Variants in CPED1 observed in about 807,000 individuals in gnomAD.
CPED1 encodes the protein cadherin like and PC-esterase domain containing 1.
In CPED1, 114 loss-of-function variants were observed where a neutral mutation model predicts 128.2. That is an observed-to-expected ratio of 0.89 (90% CI 0.76 to 1.04). The LOEUF is 1.04. CPED1 is among the 50% of genes least tolerant of loss of function. The pLI, the probability that CPED1 is intolerant of heterozygous loss-of-function variation, is 0.00. For missense variants in CPED1, 1,211 were observed against 1,207.1 expected (o/e 1.00, Z -0.05); for synonymous variants, 462 against 426.7 (o/e 1.08, Z -1.02).
At chr7:121,070,682 A>G (rs895212305) in intron 5 of CPED1, among the ~76,000 whole-genome samples, 1 of 152,136 alleles carries the variant, frequency 6.6e-6, no homozygotes, top group Non-Finnish European at 1.5e-5. Flanking sequence ...TCAGTAAGCC[A>G]TCCATCCCCA....
At chr7:121,163,958 G>A (rs1386563359) in intron 16 of CPED1, among the ~76,000 whole-genome samples, 1 of 152,206 alleles carries the variant, frequency 6.6e-6, no homozygotes, top group African/African-American at 2.4e-5. Flanking sequence ...GGGTTGGATA[G>A]ACCAAATGAT....
chr7:121,186,956 G>A (rs1048399287), intron 16 of CPED1, among the ~76,000 whole-genome samples: 1 of 152,172 alleles, frequency 6.6e-6, no homozygotes, highest in East Asian at 1.9e-4. Flanking sequence ...CTTCCCTGCA[G>A]CATAGGCTAT....
intron 2 of CPED1, among the ~76,000 whole-genome samples, chr7:120,991,670 G>A (rs529305916): frequency 7.2e-5 from 11 of 152,116 alleles, no homozygotes; most frequent in Admixed American, 6.6e-4. Context: ...TAGAAAATTC[G>A]ATTTCAACTT....
chr7:120,989,911 G>A, intron 2 of CPED1, 41 bp downstream of exon 2: 2 of 1,609,616 alleles, frequency 1.2e-6, no homozygotes, highest in Non-Finnish European at 1.7e-6. Context: ...TTTCTGCAAA[G>A]ACAGCAATCT....
intron 16 of CPED1, among the ~76,000 whole-genome samples, chr7:121,159,221 G>GT (rs1318286754): frequency 6.6e-6 from 1 of 152,020 alleles, no homozygotes; most frequent in Non-Finnish European, 1.5e-5. Context: ...TATTGGGTAT[G>GT]TAAAAAAAAT....
chr7:121,056,005 T>C (rs1478089455), intron 4 of CPED1, among the ~76,000 whole-genome samples: 2 of 152,072 alleles, frequency 1.3e-5, no homozygotes, highest in South Asian at 2.1e-4. Flanking sequence ...TTACTTATTA[T>C]AGTAAAAAAT....
intron 2 of CPED1, chr7:120,993,799 A>T (rs923354434): frequency 1.2e-5 from 2 of 161,760 alleles, no homozygotes; most frequent in Admixed American, 1.3e-4. Flanking sequence ...ACCACGTCTC[A>T]GTACAGGTGC....
chr7:121,262,159 C>G (rs1235121398), intron 18 of CPED1, among the ~76,000 whole-genome samples: 1 of 152,024 alleles, frequency 6.6e-6, no homozygotes, highest in Non-Finnish European at 1.5e-5. Context: ...TGCCCTGTGA[C>G]GTGCCTCCTC....
At chr7:121,253,039 A>G (rs1266983882) in intron 18 of CPED1, among the ~76,000 whole-genome samples, 3 of 152,088 alleles carry the variant, frequency 2.0e-5, no homozygotes, top group Non-Finnish European at 4.4e-5. Flanking sequence ...ACTATTCACA[A>G]TAGCAAAGAC....
intron 7 of CPED1, among the ~76,000 whole-genome samples, chr7:121,103,350 G>A (rs1259578267): frequency 6.6e-6 from 1 of 152,168 alleles, no homozygotes. Flanking sequence ...CTGGGTCAAT[G>A]TGGAGAAAGT....
chr7:121,133,550 C>A (rs900570488), intron 12 of CPED1, among the ~76,000 whole-genome samples: 8 of 151,944 alleles, frequency 5.3e-5, no homozygotes, highest in Admixed American at 4.6e-4. Context: ...TCTATTGGAC[C>A]CAAGCTATCT....
At chr7:121,055,953 TC>T (rs2116011192) in intron 4 of CPED1, among the ~76,000 whole-genome samples, 1 of 152,180 alleles carries the variant, frequency 6.6e-6, no homozygotes, top group African/African-American at 2.4e-5. Context: ...TACATATTAT[TC>T]TTTCTGGTCA....
chr7:121,117,100 A>ATATATATATATATAAAT, intron 7 of CPED1, among the ~76,000 whole-genome samples: 1 of 70,650 alleles, frequency 1.4e-5, no homozygotes, highest in Non-Finnish European at 3.1e-5. Context: ...TATATATATA[A>ATATATATATATATAAAT]ATATATATAT....
At chr7:121,078,337 G>A (rs58849459) in intron 5 of CPED1, among the ~76,000 whole-genome samples, 4 of 151,864 alleles carry the variant, frequency 2.6e-5, no homozygotes, top group Admixed American at 6.6e-5. Context: ...GCCACTGCAC[G>A]TGGCCTGATT....
chr7:121,169,171 G>A (rs1049642445), intron 16 of CPED1, among the ~76,000 whole-genome samples: 2 of 152,098 alleles, frequency 1.3e-5, no homozygotes, highest in Admixed American at 6.5e-5. Flanking sequence ...AATAGGTTCC[G>A]AGTCACTGTA....
At chr7:121,093,396 GTACACACACA>G (rs576388321) in intron 5 of CPED1, among the ~76,000 whole-genome samples, 681 of 52,180 alleles carry the variant, frequency 0.013, 4 homozygotes, top group Non-Finnish European at 0.021. Context: ...CCCTTTTTCT[GTACACACACA>G]CACACACACA....
chr7:121,241,340 T>C (rs1221360531), intron 17 of CPED1, among the ~76,000 whole-genome samples: 5 of 9,790 alleles, frequency 5.1e-4, no homozygotes, highest in African/African-American at 1.5e-3. Flanking sequence ...AGAGCGAGAC[T>C]CCGTCTCAAA....
At position 121,038,284 on chromosome 7, in the gene CPED1, G is replaced by A. The variant is rs998103734; in HGVS notation, c.434-8603G>A. Among the ~76,000 whole-genome samples the A allele has an allele frequency of 2.6e-5, 4 of 151,912 alleles. No homozygotes were observed. The South Asian group carries it at 8.3e-4, about 32-fold the overall frequency. On this transcript the variant is annotated intron_variant, in intron 3 of 22. Transcript: ENST00000310396. ...TGTTGGCTGTGGGTTTGCTGTAGAC[G>A]GCTTTTAGTACCTTAAGGCATGTGA...
At chr7:121,003,200 C>T (rs897119644) in intron 2 of CPED1, among the ~76,000 whole-genome samples, 4 of 152,182 alleles carry the variant, frequency 2.6e-5, no homozygotes, top group Non-Finnish European at 5.9e-5. Flanking sequence ...GGTCTTCCTT[C>T]ATTCAAAAGA....
Sources: gnomAD v4.1 joint callset for allele counts (sites outside exome capture counted in the v4.1 genomes callset) on GRCh38, gnomAD v4.1.1 for gene constraint, MANE v1.5 for transcripts, NCBI Gene and HGNC (gene_info 2026-07-23, HGNC 2026-07-21) for gene names.